Variants in RALGPS2 observed in about 807,000 individuals in gnomAD.
The protein encoded by RALGPS2 is Ral GEF with PH domain and SH3 binding motif 2, also known as ras-specific guanine nucleotide-releasing factor RalGPS2.
Under a neutral mutation model 86.8 loss-of-function variants are expected in RALGPS2, and 43 were observed. The ratio of observed to expected loss-of-function variants is 0.50; its 90% CI spans 0.39 to 0.64. The LOEUF is 0.64. Among genes scored for constraint, RALGPS2 ranks in the 30% least tolerant of loss-of-function variants. RALGPS2 has a pLI of 0.00. For missense variants in RALGPS2, 536 were observed against 694.6 expected, an observed-to-expected ratio of 0.77 and a Z score of 2.57; for synonymous variants, 243 against 231.3, an observed-to-expected ratio of 1.05 and a Z score of -0.46.
At chr1:178,769,912 C>CA (rs1184661765) in intron 1 of RALGPS2, among the ~76,000 whole-genome samples, 2 of 152,112 alleles carry the variant, frequency 1.3e-5, no homozygotes, top group African/African-American at 4.8e-5. Flanking sequence ...GGGCCTCACT[C>CA]ACTTTTATCA....
intron 18 of RALGPS2, among the ~76,000 whole-genome samples, chr1:178,905,499 C>G (rs921418913): frequency 6.6e-6 from 1 of 152,038 alleles, no homozygotes; most frequent in Non-Finnish European, 1.5e-5. Context: ...AACGGTGTTA[C>G]TTGACTAAAC....
Position 178,845,639 on chromosome 1 carries a change from G to A in RALGPS2, c.607+12089G>A, listed in dbSNP as rs530132757. 1.2e-4 allele frequency among the ~76,000 whole-genome samples: 19 copies of A among 152,252 alleles called. No homozygotes were observed. In the South Asian group the frequency reaches 3.9e-3, roughly 32 times the overall value. On this transcript the variant is annotated intron_variant, in intron 8 of 19. Coordinates refer to ENST00000367635, the MANE Select transcript of RALGPS2 (RefSeq NM_152663.5). ...TTCTGTTTAAACAATAAATGTATTT[G>A]TGTGGCATATTTGCATGGGTCAACT...
At chr1:178,839,275 A>G (rs1656453920) in intron 8 of RALGPS2, among the ~76,000 whole-genome samples, 1 of 152,230 alleles carries the variant, frequency 6.6e-6, no homozygotes. Flanking sequence ...AGGTCAGGTT[A>G]CCCTCAAAGG....
chr1:178,754,869 A>G (rs2102052374), intron 1 of RALGPS2, among the ~76,000 whole-genome samples: 1 of 152,330 alleles, frequency 6.6e-6, no homozygotes, highest in East Asian at 1.9e-4. Context: ...GTGCAATCTC[A>G]GTTCACTGCA....
intron 15 of RALGPS2, among the ~76,000 whole-genome samples, chr1:178,892,755 A>G (rs985870335): frequency 6.6e-6 from 1 of 152,098 alleles, no homozygotes; most frequent in African/African-American, 2.4e-5. Context: ...TAAAATAATC[A>G]TTTGTATATT....
At chr1:178,851,380 T>TA (rs1182304177) in intron 8 of RALGPS2, 2 of 1,395,130 alleles carry the variant, frequency 1.4e-6, no homozygotes, top group Admixed American at 2.6e-5. Flanking sequence ...TCTGCAATCA[T>TA]AAAAAACTTA....
Position 178,886,110 on chromosome 1 carries a change from A to C in RALGPS2, c.1182A>C (p.Gly394=). The change falls in exon 13 of 20, where the codon GGA becomes GGC. Residue 394 remains glycine, a synonymous_variant. Transcript: ENST00000367635. ...CTGAAAGTTCTACTCTTTCTAGTGG[A>C]ATATCAATAGGTGAGAAATACTTCT... The part of the protein sequence containing the change: ...GQAESSTLSS[G]ISIGSSDGSE... 6.2e-7 allele frequency: 1 copy of C among 1,611,286 alleles called. No homozygotes were observed. The highest frequency in any genetic ancestry group is 2.2e-5 in the East Asian group (1 of 44,830).
intron 6 of RALGPS2, among the ~76,000 whole-genome samples, chr1:178,820,687 C>T (rs1655456103): frequency 1.3e-5 from 2 of 152,138 alleles, no homozygotes; most frequent in South Asian, 2.1e-4. Flanking sequence ...AGGTCTTTTT[C>T]ATTTTTGTAT....
At chr1:178,783,916 A>T (rs1328754374) in intron 2 of RALGPS2, among the ~76,000 whole-genome samples, 1 of 152,166 alleles carries the variant, frequency 6.6e-6, no homozygotes. Context: ...TAATAGGAAG[A>T]ATAGTATTAA....
intron 1 of RALGPS2, among the ~76,000 whole-genome samples, chr1:178,731,464 G>A (rs192114731): frequency 5.9e-5 from 9 of 151,654 alleles, no homozygotes; most frequent in African/African-American, 1.7e-4. Context: ...TGTATTTTTG[G>A]TAGAGATGGT....
chr1:178,743,730 A>G (rs1381337248), intron 1 of RALGPS2, among the ~76,000 whole-genome samples: 1 of 152,228 alleles, frequency 6.6e-6, no homozygotes, highest in East Asian at 1.9e-4. Flanking sequence ...TTATGCCTAT[A>G]CATTTTAAAA....
chr1:178,761,420 A>G (rs908746395), intron 1 of RALGPS2, among the ~76,000 whole-genome samples: 1 of 147,326 alleles, frequency 6.8e-6, no homozygotes, highest in Non-Finnish European at 1.5e-5. Context: ...CTTGAGTGAC[A>G]CTCTGTCTCA....
At chr1:178,778,221 A>C (rs1200113005) in intron 2 of RALGPS2, among the ~76,000 whole-genome samples, 3 of 98,146 alleles carry the variant, frequency 3.1e-5, no homozygotes, top group African/African-American at 1.1e-4. Flanking sequence ...ACCCCATCAA[A>C]AAGTGGGCGA....
intron 16 of RALGPS2, among the ~76,000 whole-genome samples, chr1:178,896,928 G>T (rs1318088559): frequency 6.6e-6 from 1 of 151,126 alleles, no homozygotes; most frequent in Non-Finnish European, 1.5e-5. Flanking sequence ...ACATACGTGT[G>T]CATGTGTCTT....
intron 17 of RALGPS2, 71 bp downstream of exon 17, chr1:178,897,827 A>G: frequency 7.6e-7 from 1 of 1,311,128 alleles, no homozygotes; most frequent in Middle Eastern, 1.9e-4. Context: ...AAGCAGTCCT[A>G]ATGGGATACA....
intron 1 of RALGPS2, among the ~76,000 whole-genome samples, chr1:178,745,221 C>T (rs567118064): frequency 1.3e-5 from 2 of 152,250 alleles, no homozygotes; most frequent in East Asian, 3.9e-4. Flanking sequence ...AGTCAAAATG[C>T]CAGCAGGCTT....
chr1:178,836,376 C>T (rs561646104), intron 8 of RALGPS2, among the ~76,000 whole-genome samples: 18 of 152,244 alleles, frequency 1.2e-4, no homozygotes, highest in Admixed American at 3.3e-4. Flanking sequence ...TCCAATGACT[C>T]CTTCTTTTTT....
chr1:178,741,891 A>T (rs945970215), intron 1 of RALGPS2, among the ~76,000 whole-genome samples: 1 of 152,098 alleles, frequency 6.6e-6, no homozygotes, highest in Admixed American at 6.6e-5. Flanking sequence ...TAATCCCAGC[A>T]CTTTGGGAGG....
At chr1:178,807,696 T>A (rs1654807131) in intron 4 of RALGPS2, among the ~76,000 whole-genome samples, 1 of 152,184 alleles carries the variant, frequency 6.6e-6, no homozygotes. Context: ...GAAAGCTGAT[T>A]GGGAGCTCTG....
Sources: gnomAD v4.1 joint callset for allele counts (sites outside exome capture counted in the v4.1 genomes callset) on GRCh38, gnomAD v4.1.1 for gene constraint, MANE v1.5 for transcripts, NCBI Gene and HGNC (gene_info 2026-07-23, HGNC 2026-07-21) for gene names.